KIAA1958: variants seen among roughly 807,000 people sequenced by gnomAD.
The protein encoded by KIAA1958 is uncharacterized protein KIAA1958.
In KIAA1958, 14 loss-of-function variants were observed where a neutral mutation model predicts 47.2. The ratio of observed to expected loss-of-function variants is 0.30; its 90% confidence interval spans 0.20 to 0.46. The LOEUF is 0.46. Among genes scored for constraint, KIAA1958 ranks in the 20% least tolerant of loss-of-function variants. The pLI, the probability that KIAA1958 is intolerant of heterozygous loss-of-function variation, is 1.00. For synonymous variants in KIAA1958, 354 were observed against 353.3 expected (o/e 1.00, Z -0.02); for missense variants, 803 against 909.2 (o/e 0.88, Z 1.50).
chr9:112,555,548 A>G (rs1273230312), intron 1 of KIAA1958, among the ~76,000 whole-genome samples: 1 of 152,236 alleles, frequency 6.6e-6, no homozygotes, highest in Non-Finnish European at 1.5e-5. Flanking sequence ...AGAGGCTGGA[A>G]AGTCCAAGAT....
intron 1 of KIAA1958, among the ~76,000 whole-genome samples, chr9:112,533,452 G>T (rs1318933194): frequency 1.3e-5 from 2 of 151,254 alleles, no homozygotes. Context: ...CGTGGTGGTG[G>T]GTGCTGTAGT....
chr9:112,625,776 A>G (rs751900097), intron 2 of KIAA1958, among the ~76,000 whole-genome samples: 1 of 152,168 alleles, frequency 6.6e-6, no homozygotes, highest in Non-Finnish European at 1.5e-5. Context: ...AGTTTTAGCA[A>G]CTTTTCTTTT....
intron 2 of KIAA1958, among the ~76,000 whole-genome samples, chr9:112,622,196 T>G (rs552727534): frequency 1.6e-4 from 24 of 152,318 alleles, no homozygotes; most frequent in African/African-American, 5.3e-4. Flanking sequence ...ATATATACTT[T>G]AGCAAAAAAT....
intron 2 of KIAA1958, chr9:112,617,874 A>C (rs911281964): frequency 1.9e-6 from 3 of 1,544,550 alleles, no homozygotes; most frequent in Non-Finnish European, 2.6e-6. Flanking sequence ...GTTGCAGACC[A>C]GGATGAAAGA....
intron 1 of KIAA1958, among the ~76,000 whole-genome samples, chr9:112,506,211 C>G (rs1223580926): frequency 1.3e-5 from 2 of 152,204 alleles, no homozygotes; most frequent in African/African-American, 4.8e-5. Context: ...AATCCCAGCA[C>G]TTTGGGAGGC....
chr9:112,648,160 A>G (rs557360318), intron 3 of KIAA1958, among the ~76,000 whole-genome samples: 2 of 152,362 alleles, frequency 1.3e-5, no homozygotes, highest in Admixed American at 6.5e-5. Flanking sequence ...TCAAGGCATT[A>G]TATAATAGGC....
chr9:112,544,100 G>T (rs1366837973), intron 1 of KIAA1958, among the ~76,000 whole-genome samples: 1 of 151,720 alleles, frequency 6.6e-6, no homozygotes, highest in Non-Finnish European at 1.5e-5. Flanking sequence ...CAACCTTTGT[G>T]CACTAAAATC....
intron 2 of KIAA1958, among the ~76,000 whole-genome samples, chr9:112,619,424 AT>A (rs1392232466): frequency 6.6e-6 from 1 of 152,222 alleles, no homozygotes; most frequent in Non-Finnish European, 1.5e-5. Context: ...GATCCACAAT[AT>A]GAAAATGTAT....
At chr9:112,658,862 T>C (rs954813636) in intron 3 of KIAA1958, among the ~76,000 whole-genome samples, 1 of 149,956 alleles carries the variant, frequency 6.7e-6, no homozygotes, top group Non-Finnish European at 1.5e-5. Context: ...CTACAAAAAA[T>C]ACAAAAAATT....
chr9:112,571,907 T>C (rs2131171190), intron 1 of KIAA1958, among the ~76,000 whole-genome samples: 1 of 151,582 alleles, frequency 6.6e-6, no homozygotes, highest in Non-Finnish European at 1.5e-5. Context: ...TTTTTTTTTT[T>C]TTTAACATTT....
At chr9:112,581,922 T>G in intron 2 of KIAA1958, 1 of 234,470 alleles carries the variant, frequency 4.3e-6, no homozygotes, top group Middle Eastern at 4.9e-4. Context: ...GACATGCTAG[T>G]CCTGGGGGAT....
chr9:112,587,125 G>A (rs1835840095), intron 2 of KIAA1958, among the ~76,000 whole-genome samples: 1 of 152,092 alleles, frequency 6.6e-6, no homozygotes, highest in Non-Finnish European at 1.5e-5. Flanking sequence ...CCAAAAAAGT[G>A]TATTAGAACC....
chr9:112,603,280 C>G (rs1836166562), intron 2 of KIAA1958, among the ~76,000 whole-genome samples: 1 of 152,018 alleles, frequency 6.6e-6, no homozygotes, highest in Non-Finnish European at 1.5e-5. Context: ...CATATTCAGT[C>G]TCTTCTCCTT....
chr9:112,557,105 C>T (rs1004218231), intron 1 of KIAA1958, among the ~76,000 whole-genome samples: 61 of 152,108 alleles, frequency 4.0e-4, no homozygotes, highest in African/African-American at 1.4e-3. Context: ...ACTAACGGCA[C>T]GTACCACCAC....
Position 112,645,687 on chromosome 9 carries a change from T to C in KIAA1958, c.1209T>C (p.Asn403=), listed in dbSNP as rs1588052671. 1 of 1,611,642 alleles carries C rather than the reference T, an allele frequency of 6.2e-7. No homozygotes were observed. The highest frequency in any genetic ancestry group is 8.5e-7 in the Non-Finnish European group (1 of 1,178,810). ...AGCTCAACAAATTTCCTGTATTTAA[T>C]ATTAATGATGACTTGAATGATCTGT... ...STKLNKFPVF[N]INDDLNDLCT... The change falls in exon 3 of 4, where the codon AAT becomes AAC. Residue 403 remains asparagine, a synonymous_variant. Coordinates refer to ENST00000337530, the MANE Select transcript of KIAA1958 (RefSeq NM_133465.4).
intron 1 of KIAA1958, among the ~76,000 whole-genome samples, chr9:112,545,333 T>C (rs7034953): frequency 0.95 from 144,005 of 152,242 alleles, 68,160 homozygotes; most frequent in South Asian, 0.98. Flanking sequence ...TATTCACCTT[T>C]TGACTGCATG....
chr9:112,536,129 A>G (rs1834851291), intron 1 of KIAA1958, among the ~76,000 whole-genome samples: 1 of 152,236 alleles, frequency 6.6e-6, no homozygotes, highest in African/African-American at 2.4e-5. Flanking sequence ...TGAATGTAAA[A>G]GAAACTGGCA....
At chr9:112,511,138 A>G (rs1834319182) in intron 1 of KIAA1958, among the ~76,000 whole-genome samples, 1 of 152,126 alleles carries the variant, frequency 6.6e-6, no homozygotes. Flanking sequence ...GGAGATTTGA[A>G]GAGATGTTCA....
intron 2 of KIAA1958, among the ~76,000 whole-genome samples, chr9:112,591,203 C>A (rs1835913372): frequency 6.6e-6 from 1 of 152,152 alleles, no homozygotes; most frequent in Non-Finnish European, 1.5e-5. Context: ...CCTGCCTCAG[C>A]CTCCTGAGTA....
Sources: gnomAD v4.1 joint callset for allele counts (sites outside exome capture counted in the v4.1 genomes callset) on GRCh38, gnomAD v4.1.1 for gene constraint, MANE v1.5 for transcripts, NCBI Gene and HGNC (gene_info 2026-07-23, HGNC 2026-07-21) for gene names.